DOP1A: variants seen among roughly 807,000 people sequenced by gnomAD.
DOP1A encodes the protein protein DOP1A.
Under a neutral mutation model 267.6 loss-of-function variants are expected in DOP1A, and 90 were observed. The observed-to-expected ratio is 0.34, with a 90% confidence interval of 0.28 to 0.40. The LOEUF is 0.40. Ranked by LOEUF, DOP1A falls within the 10% of genes least tolerant of loss-of-function variation. The probability of loss-of-function intolerance (pLI) is 1.00; values close to 1 mark genes in which losing one functional copy is unlikely to be tolerated. For synonymous variants in DOP1A, 932 were observed against 999.1 expected (o/e 0.93, Z 1.27); for missense variants, 2,437 against 2,900.4 (o/e 0.84, Z 3.67).
downstream of DOP1A, chr6:83,169,678 C>T: frequency 2.2e-6 from 1 of 463,794 alleles, no homozygotes; most frequent in Non-Finnish European, 4.3e-6. Context: ...CATGGATATT[C>T]ATTAGACTCT....
intron 1 of DOP1A, among the ~76,000 whole-genome samples, chr6:83,076,204 A>G (rs1025429521): frequency 2.0e-5 from 3 of 152,198 alleles, no homozygotes; most frequent in Admixed American, 2.0e-4. Context: ...TCCAAAGATG[A>G]TATATAAATG....
At chr6:83,139,845 A>G (rs1242746959) in intron 21 of DOP1A, among the ~76,000 whole-genome samples, 155 bp from the exon 22 acceptor site, 1 of 152,080 alleles carries the variant, frequency 6.6e-6, no homozygotes, top group Non-Finnish European at 1.5e-5. Context: ...TAGATTAGGA[A>G]ATAAAAGCCC....
At chr6:83,125,348 CATCAGTAATA>C in intron 14 of DOP1A, 142 bp from the exon 15 acceptor site, 10 of 1,035,738 alleles carry the variant, frequency 9.7e-6, no homozygotes, top group Non-Finnish European at 1.4e-5. Context: ...TTTTATAAGG[CATCAGTAATA>C]AAATATACAG....
intron 37 of DOP1A, among the ~76,000 whole-genome samples, chr6:83,160,565 G>A (rs1783993054): frequency 1.3e-5 from 2 of 152,196 alleles, no homozygotes; most frequent in Non-Finnish European, 2.9e-5. Context: ...ATGTAGTGTG[G>A]AGAATGGACT....
At chr6:83,087,705 G>T (rs936562630) in intron 1 of DOP1A, among the ~76,000 whole-genome samples, 9 of 152,302 alleles carry the variant, frequency 5.9e-5, no homozygotes, top group Admixed American at 5.2e-4. Flanking sequence ...GATCAACTGG[G>T]ATTAAATTAA....
intron 5 of DOP1A, among the ~76,000 whole-genome samples, chr6:83,109,792 A>G (rs928604526): frequency 1.3e-5 from 2 of 152,186 alleles, no homozygotes; most frequent in African/African-American, 4.8e-5. Context: ...GTATTTTATT[A>G]CTTAGCGTAC....
Position 83,138,826 on chromosome 6 carries a change from G to C in DOP1A, c.4784G>C (p.Arg1595Thr), listed in dbSNP as rs1280225287. 6.2e-7 allele frequency: 1 copy of C among 1,613,910 alleles called. No homozygotes were observed. Among genetic ancestry groups the C allele is most frequent in the Non-Finnish European group, 8.5e-7 (1 of 1,179,946 alleles). The change falls in exon 21 of 39, where the codon AGA (arginine) becomes ACA (threonine). Residue 1595 changes from arginine to threonine, a missense_variant. Around this residue, in one of 9 missense-constraint regions of DOP1A, gnomAD observed 878 missense variants for 992.9 expected, o/e 0.88. Coordinates refer to ENST00000349129, the MANE Select transcript of DOP1A (RefSeq NM_015018.4). ...VLQRLIVLEH[R>T]VMTIPEENET... ...CAGAGGCTGATTGTTCTAGAACACA[G>C]AGTAATGACTATTCCTGAAGAGAAT...
Position 83,122,055 on chromosome 6 carries a change from A to G in DOP1A, c.1220+5A>G. ...GGATCATGCTCAGTTAAGCAGGTGG[A>G]TTATCAAAAAATTAAATGTGACATG... On this transcript the variant is annotated splice_donor_5th_base_variant and intron_variant, in intron 11 of 38. Coordinates refer to ENST00000349129, the MANE Select transcript of DOP1A (RefSeq NM_015018.4). 1.2e-6 allele frequency: 2 copies of G among 1,607,704 alleles called. No homozygotes were observed. The highest frequency in any genetic ancestry group is 1.7e-6 in the Non-Finnish European group (2 of 1,176,792).
chr6:83,072,708 C>T (rs1413634564), intron 1 of DOP1A, among the ~76,000 whole-genome samples: 2 of 152,152 alleles, frequency 1.3e-5, no homozygotes, highest in Non-Finnish European at 2.9e-5. Flanking sequence ...TTTTCAGTTG[C>T]TTTTGATTGT....
chr6:83,098,131 C>T lies in DOP1A; in HGVS notation c.138+1016C>T, dbSNP rs549480005. On this transcript the variant is annotated intron_variant, in intron 3 of 38. Coordinates refer to ENST00000349129, the MANE Select transcript of DOP1A (RefSeq NM_015018.4). ...AACTCTTGGCCTCAAATGATCCTCC[C>T]ACCTCAGCCTCCCAAAGTGCTGGGA... 3.9e-5 allele frequency among the ~76,000 whole-genome samples: 6 copies of T among 152,174 alleles called. No individual in the cohort carries two copies. The East Asian group carries it at 1.2e-3, about 29-fold the overall frequency.
intron 24 of DOP1A, among the ~76,000 whole-genome samples, chr6:83,142,751 A>G (rs1344970680): frequency 6.6e-6 from 1 of 151,998 alleles, no homozygotes; most frequent in Admixed American, 6.6e-5. Context: ...ATAATTCACA[A>G]ATTTTTTTTT....
intron 7 of DOP1A, among the ~76,000 whole-genome samples, chr6:83,116,185 C>G (rs903651199): frequency 6.6e-6 from 1 of 152,196 alleles, no homozygotes; most frequent in East Asian, 1.9e-4. Context: ...ACCAAAACTT[C>G]GAAGCTGTAG....
intron 38 of DOP1A, chr6:83,165,866 A>AT (rs1354450598): frequency 2.8e-6 from 1 of 362,282 alleles, no homozygotes; most frequent in Non-Finnish European, 5.5e-6. Flanking sequence ...CATCTCATTG[A>AT]TTTGCTGAGC....
In DOP1A at chr6:83,135,842, G is replaced by A; in HGVS notation, c.3094G>A (p.Asp1032Asn). 1 of 1,613,600 alleles carries A rather than the reference G, an allele frequency of 6.2e-7. No homozygotes were observed. Among genetic ancestry groups the A allele is most frequent in the Non-Finnish European group, 8.5e-7 (1 of 1,179,632 alleles). ...TCCCTGTTATCCAGGAGAGGAGAGT[G>A]ACAAGCATTTCATGCAAAATTTTGC... ...KSPCYPGEESDKHFMQNFACS... is the reference protein window; with the variant it reads ...KSPCYPGEESNKHFMQNFACS... The change falls in exon 20 of 39, where the codon GAC (aspartate) becomes AAC (asparagine). Residue 1032 changes from aspartate to asparagine, a missense_variant. Physicochemically the swap from Asp to Asn is conservative, Grantham distance 23. Coordinates refer to ENST00000349129, the MANE Select transcript of DOP1A (RefSeq NM_015018.4).
intron 1 of DOP1A, among the ~76,000 whole-genome samples, chr6:83,089,424 T>A (rs545825410): frequency 2.0e-5 from 3 of 152,292 alleles, no homozygotes; most frequent in African/African-American, 7.2e-5. Context: ...ATAAACAGCT[T>A]TTTTGCTTTA....
At chr6:83,142,284 C>T (rs758949278) in intron 24 of DOP1A, among the ~76,000 whole-genome samples, 8 of 151,930 alleles carry the variant, frequency 5.3e-5, no homozygotes, top group African/African-American at 1.7e-4. Context: ...CCGAGGAGGG[C>T]GGATCATGAG....
chr6:83,162,250 A>T (rs2128423566), intron 37 of DOP1A, among the ~76,000 whole-genome samples: 1 of 152,254 alleles, frequency 6.6e-6, no homozygotes, highest in Admixed American at 6.5e-5. Context: ...GTCGGATATT[A>T]CTTTTACTTA....
chr6:83,162,730 C>A, intron 37 of DOP1A, 60 bp from the exon 38 acceptor site: 1 of 1,527,944 alleles, frequency 6.5e-7, no homozygotes, highest in South Asian at 1.3e-5. Context: ...ATTATGTGGC[C>A]TAATCTTAGA....
intron 38 of DOP1A, chr6:83,166,129 C>T (rs1785465789): frequency 2.2e-6 from 1 of 451,692 alleles, no homozygotes; most frequent in Non-Finnish European, 3.9e-6. Context: ...GAAAATGACA[C>T]TTCAAAACAA....
Sources: gnomAD v4.1 joint callset for allele counts (sites outside exome capture counted in the v4.1 genomes callset) on GRCh38, gnomAD v4.1.1 for gene constraint, gnomAD v4.1.1 regional missense constraint, MANE v1.5 for transcripts, NCBI Gene and HGNC (gene_info 2026-07-23, HGNC 2026-07-21) for gene names.